Variants in UACA observed in about 807,000 individuals in gnomAD.
UACA encodes the protein uveal autoantigen with coiled-coil domains and ankyrin repeats.
A neutral mutation model predicts 160.5 loss-of-function variants in UACA; 112 were observed. The observed-to-expected ratio is 0.70, with a 90% CI of 0.60 to 0.82. UACA has a LOEUF of 0.82. Ranked by LOEUF, UACA falls within the 40% of genes least tolerant of loss-of-function variation. The pLI is 0.00. For synonymous variants in UACA, 557 were observed against 568.4 expected, an observed-to-expected ratio of 0.98 and a Z score of 0.29; for missense variants, 1,574 against 1,614.6, an observed-to-expected ratio of 0.97 and a Z score of 0.43.
At chr15:70,759,573 T>C (rs1355309501) in intron 1 of UACA, among the ~76,000 whole-genome samples, 2 of 152,158 alleles carry the variant, frequency 1.3e-5, no homozygotes, top group African/African-American at 4.8e-5. Flanking sequence ...GAGAATTGCT[T>C]GAACCTGGGA....
chr15:70,719,273 T>C (rs886597371), intron 1 of UACA, among the ~76,000 whole-genome samples: 8 of 152,068 alleles, frequency 5.3e-5, no homozygotes, highest in African/African-American at 1.9e-4. Context: ...GTAAAAAGGG[T>C]TTACAAAGGC....
At position 70,678,172 on chromosome 15, in the gene UACA, C is replaced by T; in HGVS notation, c.926G>A (p.Arg309Lys). Residue 309 changes from arginine (R) to lysine (K), a missense_variant, in exon 11 of 19, where the codon AGG (arginine) becomes AAG (lysine). By Grantham distance (26) the Arg-to-Lys change is conservative. Coordinates refer to ENST00000322954, the MANE Select transcript of UACA (RefSeq NM_018003.4). The part of the protein sequence containing the change: ...LEIENEDLKE[R>K]LRKIQQEQRI... ...TTGTTCTTGCTGAATTTTTCTCAAC[C>T]TCTCTTTCAAATCTTCATTTTCAAT... 6.2e-7 allele frequency: 1 copy of T among 1,611,576 alleles called. No individual in the cohort carries two copies. Among genetic ancestry groups the T allele is most frequent in the Non-Finnish European group, 8.5e-7 (1 of 1,179,398 alleles).
At chr15:70,776,583 A>G in the UACA span, among the ~76,000 whole-genome samples, 15 of 152,008 alleles carry the variant, frequency 9.9e-5, no homozygotes, top group Non-Finnish European at 2.2e-4. Flanking sequence ...AAATGCCACC[A>G]TGCCTGGCTA....
chr15:70,744,387 A>G (rs1469162), intron 1 of UACA, among the ~76,000 whole-genome samples: 28,050 of 151,958 alleles, frequency 0.18, 4,041 homozygotes, highest in African/African-American at 0.4. Context: ...TAAATCTAGC[A>G]GAAGGAAGGA....
intron 1 of UACA, among the ~76,000 whole-genome samples, chr15:70,707,887 G>C (rs967728190): frequency 6.6e-6 from 1 of 152,124 alleles, no homozygotes; most frequent in African/African-American, 2.4e-5. Flanking sequence ...ATTATAAATA[G>C]AACTACCATA....
At chr15:70,742,985 C>T (rs1034712580) in intron 1 of UACA, among the ~76,000 whole-genome samples, 10 of 152,296 alleles carry the variant, frequency 6.6e-5, no homozygotes, top group Admixed American at 6.5e-4. Context: ...ATCAAGGTGC[C>T]AGCCAGGCTG....
At chr15:70,753,100 G>A (rs1157210308) in intron 1 of UACA, among the ~76,000 whole-genome samples, 2 of 152,120 alleles carry the variant, frequency 1.3e-5, no homozygotes, top group Non-Finnish European at 2.9e-5. Flanking sequence ...ACTCTAAAGC[G>A]ACGGCTGGCC....
At chr15:70,687,054 T>C (rs1595888419) in intron 7 of UACA, among the ~76,000 whole-genome samples, 2 of 152,282 alleles carry the variant, frequency 1.3e-5, no homozygotes, top group Admixed American at 6.5e-5. Context: ...GATGGCACTG[T>C]ACCCTGGCAG....
rs572848245 is a variant in UACA, at chr15:70,655,137, C to T, written c.*1919G>A. ...AGAAAACTTTATTGATGGTTGAAAA[C>T]AAAATAAAATACACATAAGGTTCCC... On this transcript the variant is annotated 3_prime_UTR_variant, in exon 19 of 19. Coordinates refer to ENST00000322954, the MANE Select transcript of UACA (RefSeq NM_018003.4). 2.8e-4 allele frequency: 43 copies of T among 152,228 alleles called. No homozygotes were observed. Among genetic ancestry groups the T allele is most frequent in the Admixed American group, 7.8e-4 (12 of 15,292 alleles). 9.4% of individuals were successfully genotyped at this position (152,228 alleles called of 1,614,324 possible). A position where few individuals can be genotyped will look rare whatever the true frequency, so the allele number is the denominator to read the frequency against.
chr15:70,703,253 G>C (rs1164257363), intron 1 of UACA: 1 of 1,287,288 alleles, frequency 7.8e-7, no homozygotes, highest in Non-Finnish European at 1.0e-6. Context: ...CCTCTAAAAA[G>C]ACACATTTGT....
chr15:70,691,148 A>T (rs1450569464), intron 4 of UACA, 151 bp downstream of exon 4: 2 of 524,912 alleles, frequency 3.8e-6, no homozygotes, highest in Non-Finnish European at 6.6e-6. Flanking sequence ...TATTGTTCAC[A>T]TTCCTTCACA....
intron 1 of UACA, among the ~76,000 whole-genome samples, chr15:70,702,706 C>T (rs1234178270): frequency 6.6e-6 from 1 of 152,174 alleles, no homozygotes; most frequent in East Asian, 1.9e-4. Context: ...GAAACGCACA[C>T]ACAGTAACAC....
chr15:70,725,228 C>G (rs1566992050), intron 1 of UACA, among the ~76,000 whole-genome samples: 1 of 152,148 alleles, frequency 6.6e-6, no homozygotes, highest in Non-Finnish European at 1.5e-5. Context: ...TTAATTTCTT[C>G]CCCTGTTAGG....
At chr15:70,719,319 A>C (rs1378836234) in intron 1 of UACA, among the ~76,000 whole-genome samples, 1 of 152,360 alleles carries the variant, frequency 6.6e-6, no homozygotes, top group East Asian at 1.9e-4. Flanking sequence ...AGACCAAATC[A>C]TAAGTGTAGC....
intron 1 of UACA, among the ~76,000 whole-genome samples, chr15:70,716,794 T>C (rs1234143305): frequency 6.6e-6 from 1 of 152,224 alleles, no homozygotes; most frequent in African/African-American, 2.4e-5. Flanking sequence ...AGTATTCATT[T>C]AAAACCTAAC....
At chr15:70,742,587 T>C (rs929065612) in intron 1 of UACA, among the ~76,000 whole-genome samples, 10 of 152,160 alleles carry the variant, frequency 6.6e-5, no homozygotes, top group Non-Finnish European at 1.2e-4. Flanking sequence ...GTTGCATTAA[T>C]ATATTTTAAT....
At chr15:70,672,831 A>G (rs1897183285) in intron 13 of UACA, among the ~76,000 whole-genome samples, 1 of 152,080 alleles carries the variant, frequency 6.6e-6, no homozygotes, top group Non-Finnish European at 1.5e-5. Context: ...GCGGTGGCTC[A>G]TGCCTGTAAT....
chr15:70,750,594 T>G (rs1480563521), intron 1 of UACA, among the ~76,000 whole-genome samples: 3 of 152,286 alleles, frequency 2.0e-5, no homozygotes, highest in African/African-American at 7.2e-5. Flanking sequence ...TGGCCAGGTG[T>G]GGTGGCTCAC....
At chr15:70,723,431 G>A (rs959687650) in intron 1 of UACA, among the ~76,000 whole-genome samples, 5 of 152,140 alleles carry the variant, frequency 3.3e-5, no homozygotes, top group East Asian at 1.9e-4. Flanking sequence ...CCTTAATGAC[G>A]TCTAAGATCC....
Sources: gnomAD v4.1 joint callset for allele counts (sites outside exome capture counted in the v4.1 genomes callset) on GRCh38, gnomAD v4.1.1 for gene constraint, MANE v1.5 for transcripts, NCBI Gene and HGNC (gene_info 2026-07-23, HGNC 2026-07-21) for gene names.